The following SPHKAP variants were observed in gnomAD, a reference collection of about 807,000 sequenced individuals.
SPHKAP encodes the protein SPHK1 interactor, AKAP domain containing.
SPHKAP carries 67 observed loss-of-function variants against 137.5 expected under a neutral mutation model. The ratio of observed to expected loss-of-function variants is 0.49; its 90% CI spans 0.40 to 0.60. The LOEUF (loss-of-function observed/expected upper bound fraction) is 0.60. SPHKAP is among the 20% of genes least tolerant of loss of function. The pLI, the probability that SPHKAP is intolerant of heterozygous loss-of-function variation, is 0.00. For synonymous variants in SPHKAP, 813 were observed against 785.3 expected (o/e 1.04, Z -0.59); for missense variants, 2,097 against 2,069.3 (o/e 1.01, Z -0.26).
intron 3 of SPHKAP, among the ~76,000 whole-genome samples, chr2:228,082,504 A>C (rs1697395627): frequency 6.6e-6 from 1 of 152,236 alleles, no homozygotes; most frequent in Non-Finnish European, 1.5e-5. Context: ...TCAGGAAGGC[A>C]TCTAAAATGG....
At chr2:228,155,095 C>T (rs1018115606) in intron 1 of SPHKAP, among the ~76,000 whole-genome samples, 1 of 152,058 alleles carries the variant, frequency 6.6e-6, no homozygotes, top group African/African-American at 2.4e-5. Flanking sequence ...TTATTTAGTT[C>T]CTAGCTGTAC....
chr2:228,004,418 C>T (rs1694044977), intron 7 of SPHKAP, among the ~76,000 whole-genome samples: 1 of 152,138 alleles, frequency 6.6e-6, no homozygotes, highest in African/African-American at 2.4e-5. Context: ...TCCCCTTTAT[C>T]ATTTTTTATT....
chr2:228,021,987 A>C (rs756555550), intron 5 of SPHKAP, 21 bp from the exon 6 acceptor site: 1 of 1,558,860 alleles, frequency 6.4e-7, no homozygotes. Context: ...AGAGAAAAGA[A>C]GGCATTTATT....
chr2:228,045,903 G>A (rs898167383), intron 3 of SPHKAP, among the ~76,000 whole-genome samples: 1 of 152,150 alleles, frequency 6.6e-6, no homozygotes, highest in Non-Finnish European at 1.5e-5. Context: ...GTGATTGCAT[G>A]GGGCTGGGGG....
At chr2:228,110,271 A>G (rs1375633131) in intron 2 of SPHKAP, among the ~76,000 whole-genome samples, 1 of 151,970 alleles carries the variant, frequency 6.6e-6, no homozygotes, top group Non-Finnish European at 1.5e-5. Flanking sequence ...TTAGATGAGT[A>G]ATATTACTCA....
At chr2:228,102,671 T>C (rs1041656161) in intron 3 of SPHKAP, among the ~76,000 whole-genome samples, 1 of 152,232 alleles carries the variant, frequency 6.6e-6, no homozygotes, top group Non-Finnish European at 1.5e-5. Flanking sequence ...TCTAAATTAA[T>C]GCTGCATTGT....
chr2:228,033,685 G>C (rs1192937426), intron 3 of SPHKAP, among the ~76,000 whole-genome samples: 1 of 152,154 alleles, frequency 6.6e-6, no homozygotes, highest in East Asian at 1.9e-4. Context: ...CTTTCTCTCA[G>C]ACCACAGTGC....
At chr2:228,154,512 C>CTCTCTATATATA (rs1393941364) in intron 1 of SPHKAP, among the ~76,000 whole-genome samples, 19 of 22,060 alleles carry the variant, frequency 8.6e-4, no homozygotes, top group East Asian at 8.3e-3. Flanking sequence ...CTCTCTCTCT[C>CTCTCTATATATA]TATATATATA....
chr2:228,090,066 G>T (rs899613758), intron 3 of SPHKAP, among the ~76,000 whole-genome samples: 1 of 152,196 alleles, frequency 6.6e-6, no homozygotes, highest in African/African-American at 2.4e-5. Context: ...ACTCAAGAAT[G>T]GTAGAGTCGC....
intron 7 of SPHKAP, among the ~76,000 whole-genome samples, chr2:228,009,304 G>T (rs1174896440): frequency 2.6e-5 from 4 of 151,950 alleles, no homozygotes; most frequent in Non-Finnish European, 5.9e-5. Context: ...ATTTCTTTAT[G>T]ATTTGCTTTT....
rs1182714686 is a variant in SPHKAP, at chr2:228,022,279, G to A, written c.442-313C>T. The A allele has an allele frequency of 1.3e-5, 10 of 786,272 alleles. No individual in the cohort carries two copies. The African/African-American group carries it at 1.9e-4, about 15-fold the overall frequency. 48.7% of individuals were successfully genotyped at this position (786,272 alleles called of 1,614,324 possible). On this transcript the variant is annotated intron_variant, in intron 5 of 11. Coordinates refer to ENST00000392056, the MANE Select transcript of SPHKAP (RefSeq NM_001142644.2). Reference sequence around the variant, plus strand: ...CAGGCAAAGAAGATTTTTATTTGAGGCTATTAAAATAGGGAAGAGAGGCCA... The same window carrying A: ...CAGGCAAAGAAGATTTTTATTTGAGACTATTAAAATAGGGAAGAGAGGCCA...
chr2:228,168,056 T>C (rs1014099953), intron 1 of SPHKAP, among the ~76,000 whole-genome samples: 3 of 152,120 alleles, frequency 2.0e-5, no homozygotes, highest in African/African-American at 7.2e-5. Context: ...AACAAAACTT[T>C]AGCATTCTAT....
chr2:228,052,432 T>C (rs1230186987), intron 3 of SPHKAP, among the ~76,000 whole-genome samples: 5 of 152,218 alleles, frequency 3.3e-5, no homozygotes, highest in Non-Finnish European at 7.3e-5. Flanking sequence ...AGGATTATCA[T>C]GGCTTCCAGT....
rs1366797738 is a variant in SPHKAP, at chr2:227,993,630, C to A, written c.4635-10G>T. 1.3e-6 allele frequency: 2 copies of A among 1,576,124 alleles called. No individual in the cohort carries two copies. Among genetic ancestry groups the A allele is most frequent in the Non-Finnish European group, 1.7e-6 (2 of 1,159,670 alleles). On this transcript the variant is annotated splice_polypyrimidine_tract_variant and intron_variant, in intron 8 of 11. Transcript: ENST00000392056. ...ACTACTGTTGCCATTGCTGACAAAGCAAAAGTTTACATATTAATGCCCGTC... is the reference window on the plus strand; with the variant it reads ...ACTACTGTTGCCATTGCTGACAAAGAAAAAGTTTACATATTAATGCCCGTC...
At chr2:228,180,319 T>TC (rs1194078427) in intron 1 of SPHKAP, among the ~76,000 whole-genome samples, 3 of 152,102 alleles carry the variant, frequency 2.0e-5, no homozygotes, top group South Asian at 2.1e-4. Context: ...TACAAATAAT[T>TC]CAGGTCTCTA....
At chr2:228,028,609 A>G (rs1304381902) in intron 3 of SPHKAP, among the ~76,000 whole-genome samples, 1 of 152,032 alleles carries the variant, frequency 6.6e-6, no homozygotes, top group East Asian at 1.9e-4. Flanking sequence ...GTTTAGATAT[A>G]CAAATACTTA....
chr2:228,027,407 G>T (rs981101155), intron 4 of SPHKAP, 77 bp downstream of exon 4: 1 of 1,432,380 alleles, frequency 7.0e-7, no homozygotes, highest in Non-Finnish European at 9.8e-7. Context: ...CCTACAAAAT[G>T]AGCATTATTT....
At chr2:228,074,005 A>G (rs1697091468) in intron 3 of SPHKAP, among the ~76,000 whole-genome samples, 1 of 152,208 alleles carries the variant, frequency 6.6e-6, no homozygotes, top group Non-Finnish European at 1.5e-5. Flanking sequence ...TGTAGAAAAC[A>G]ATAAATTGAA....
chr2:228,086,570 A>G (rs1018619252), intron 3 of SPHKAP, among the ~76,000 whole-genome samples: 3 of 152,176 alleles, frequency 2.0e-5, no homozygotes, highest in African/African-American at 7.2e-5. Flanking sequence ...GTACCACCCT[A>G]GATATTTCAG....
Sources: allele counts gnomAD v4.1 joint callset (sites outside exome capture counted in the v4.1 genomes callset), GRCh38; gene constraint gnomAD v4.1.1; transcripts MANE v1.5; gene names NCBI Gene and HGNC (gene_info 2026-07-23, HGNC 2026-07-21).